ZNF804A: variants seen among roughly 807,000 people sequenced by gnomAD.
ZNF804A encodes zinc finger protein 804A.
In ZNF804A, 2 loss-of-function variants were observed where a neutral mutation model predicts 16.5. That is an observed-to-expected ratio of 0.12 (90% confidence interval 0.05 to 0.38). The LOEUF is 0.38. Among genes scored for constraint, ZNF804A ranks in the 10% least tolerant of loss-of-function variants. The pLI is 0.99. For missense variants in ZNF804A, 1,473 were observed against 1,390.7 expected, an observed-to-expected ratio of 1.06 and a Z score of -0.94; for synonymous variants, 534 against 489.6, an observed-to-expected ratio of 1.09 and a Z score of -1.20.
intron 1 of ZNF804A, among the ~76,000 whole-genome samples, chr2:184,717,387 T>A (rs1344708911): frequency 6.6e-6 from 1 of 152,218 alleles, no homozygotes; most frequent in African/African-American, 2.4e-5. Context: ...AACTCTGTCC[T>A]GCTGTTCCAA....
intron 1 of ZNF804A, among the ~76,000 whole-genome samples, chr2:184,794,598 A>C (rs1379714060): frequency 6.6e-6 from 1 of 151,968 alleles, no homozygotes; most frequent in Admixed American, 6.6e-5. Flanking sequence ...AAGAAAGACA[A>C]AAAAACCAAG....
intron 2 of ZNF804A, among the ~76,000 whole-genome samples, chr2:184,875,774 A>G (rs1696045713): frequency 6.6e-6 from 1 of 151,748 alleles, no homozygotes. Context: ...ATTAAAAAAA[A>G]AAAAAAAAAA....
chr2:184,834,029 CATCT>C (rs1447564526), intron 1 of ZNF804A, among the ~76,000 whole-genome samples: 1 of 152,014 alleles, frequency 6.6e-6, no homozygotes, highest in African/African-American at 2.4e-5. Context: ...CTTATTTTAG[CATCT>C]ATTAATGATC....
At chr2:184,820,634 T>A (rs1300744634) in intron 1 of ZNF804A, among the ~76,000 whole-genome samples, 1 of 152,068 alleles carries the variant, frequency 6.6e-6, no homozygotes, top group African/African-American at 2.4e-5. Flanking sequence ...ATTATCTTTT[T>A]TTGCCAATGA....
chr2:184,810,922 TAAGA>T (rs1157101239), intron 1 of ZNF804A, among the ~76,000 whole-genome samples: 3 of 152,234 alleles, frequency 2.0e-5, no homozygotes, highest in African/African-American at 7.2e-5. Context: ...TTTATATGTA[TAAGA>T]AATTTTCATT....
chr2:184,810,326 C>T (rs1694872019), intron 1 of ZNF804A, among the ~76,000 whole-genome samples: 1 of 152,080 alleles, frequency 6.6e-6, no homozygotes, highest in Admixed American at 6.6e-5. Flanking sequence ...AGATTATTAA[C>T]AAATCAATTA....
chr2:184,709,405 A>G (rs1413013321), intron 1 of ZNF804A, among the ~76,000 whole-genome samples: 2 of 152,106 alleles, frequency 1.3e-5, no homozygotes, highest in African/African-American at 2.4e-5. Flanking sequence ...ATGAATATCT[A>G]TCTATCTATC....
chr2:184,689,544 AT>A (rs1396018685), intron 1 of ZNF804A, among the ~76,000 whole-genome samples: 1 of 152,110 alleles, frequency 6.6e-6, no homozygotes, highest in East Asian at 1.9e-4. Context: ...AAAATAATAT[AT>A]TTTAAGAAGA....
intron 1 of ZNF804A, among the ~76,000 whole-genome samples, chr2:184,773,767 G>A (rs186525568): frequency 6.6e-6 from 1 of 151,886 alleles, no homozygotes; most frequent in Admixed American, 6.6e-5. Context: ...TTCATGTAAT[G>A]AGAAACCACC....
intron 2 of ZNF804A, chr2:184,902,476 C>T (rs1296060640): frequency 6.6e-6 from 1 of 152,156 alleles, no homozygotes; most frequent in African/African-American, 2.4e-5. Context: ...CTGTAGATGC[C>T]TTCTAGCACT....
In ZNF804A at chr2:184,876,431, T is replaced by C. The variant is rs534370702; in HGVS notation, c.255+9919T>C. ...GTGTACTTCAATCTAATTGAACTTC[T>C]GATGGTTTTTATTTTAGCCATTTAG... On this transcript the variant is annotated intron_variant, in intron 2 of 3. Coordinates refer to ENST00000302277, the MANE Select transcript of ZNF804A (RefSeq NM_194250.2). 2.0e-5 allele frequency among the ~76,000 whole-genome samples: 3 copies of C among 152,160 alleles called. No homozygotes were observed. In the South Asian group the frequency reaches 6.2e-4, roughly 32 times the overall value.
At chr2:184,645,636 A>T (rs1691858266) in intron 1 of ZNF804A, among the ~76,000 whole-genome samples, 1 of 152,240 alleles carries the variant, frequency 6.6e-6, no homozygotes, top group Non-Finnish European at 1.5e-5. Context: ...AAGCTATGAC[A>T]GCAAGATACA....
intron 1 of ZNF804A, among the ~76,000 whole-genome samples, chr2:184,715,999 AC>A (rs1475995536): frequency 1.3e-5 from 2 of 152,204 alleles, no homozygotes; most frequent in African/African-American, 4.8e-5. Context: ...TATAAGAGCA[AC>A]ATTTGGGAGA....
At chr2:184,784,348 C>T (rs188705757) in intron 1 of ZNF804A, among the ~76,000 whole-genome samples, 4 of 151,980 alleles carry the variant, frequency 2.6e-5, no homozygotes, top group Admixed American at 2.6e-4. Context: ...CCTGCCATCC[C>T]ATATTTATAG....
intron 1 of ZNF804A, among the ~76,000 whole-genome samples, chr2:184,609,068 A>G (rs896259473): frequency 3.3e-5 from 5 of 152,234 alleles, no homozygotes; most frequent in East Asian, 3.8e-4. Context: ...ATGTAGAAAT[A>G]TAGAGATTTG....
At chr2:184,883,581 A>G (rs1684841849) in intron 2 of ZNF804A, among the ~76,000 whole-genome samples, 1 of 152,134 alleles carries the variant, frequency 6.6e-6, no homozygotes. Context: ...ACCCAACAGC[A>G]CATCAAAAAG....
chr2:184,923,320 A>G (rs1213972557), intron 2 of ZNF804A, among the ~76,000 whole-genome samples: 1 of 151,956 alleles, frequency 6.6e-6, no homozygotes, highest in Non-Finnish European at 1.5e-5. Context: ...TGCAAATGAA[A>G]TTACTTTCTT....
intron 2 of ZNF804A, among the ~76,000 whole-genome samples, chr2:184,884,996 TA>T (rs1043668424): frequency 3.3e-5 from 5 of 152,014 alleles, no homozygotes; most frequent in African/African-American, 1.2e-4. Context: ...TAAACAAATT[TA>T]TAAGAACAAA....
chr2:184,834,787 A>G (rs534650465), intron 1 of ZNF804A, among the ~76,000 whole-genome samples: 12 of 152,262 alleles, frequency 7.9e-5, no homozygotes, highest in African/African-American at 2.9e-4. Flanking sequence ...CCTGTTAGAA[A>G]TATACATGCT....
Sources: allele counts gnomAD v4.1 joint callset (sites outside exome capture counted in the v4.1 genomes callset), GRCh38; gene constraint gnomAD v4.1.1; transcripts MANE v1.5; gene names NCBI Gene and HGNC (gene_info 2026-07-23, HGNC 2026-07-21).